MMD: variants seen among roughly 807,000 people sequenced by gnomAD.
MMD encodes monocyte to macrophage differentiation factor.
A neutral mutation model predicts 33.6 loss-of-function variants in MMD; 22 were observed. That is an observed-to-expected ratio of 0.66 (90% CI 0.47 to 0.94). The LOEUF (loss-of-function observed/expected upper bound fraction) is 0.94, where lower values mean the gene tolerates loss of function less well. Among genes scored for constraint, MMD ranks in the 40% least tolerant of loss-of-function variants. The pLI, the probability that MMD is intolerant of heterozygous loss-of-function variation, is 0.00. For synonymous variants in MMD, 97 were observed against 103.2 expected (o/e 0.94, Z 0.36); for missense variants, 242 against 309.8 (o/e 0.78, Z 1.64).
At chr17:55,404,668 A>G (rs1438252840) in intron 4 of MMD, 1 of 984,900 alleles carries the variant, frequency 1.0e-6, no homozygotes, top group Admixed American at 6.2e-5. Flanking sequence ...TATTCCTAAC[A>G]TGTATTATGG....
intron 4 of MMD, chr17:55,404,353 TA>T (rs879282832): frequency 0.16 from 82,765 of 527,284 alleles, no homozygotes; most frequent in Non-Finnish European, 0.18. Flanking sequence ...AGACTCCACC[TA>T]AAAAAAAAAA....
chr17:55,419,205 G>A (rs1402623116), intron 1 of MMD, among the ~76,000 whole-genome samples: 1 of 152,198 alleles, frequency 6.6e-6, no homozygotes, highest in Non-Finnish European at 1.5e-5. Flanking sequence ...TAATATACAA[G>A]TGCCCAGCCA....
intron 1 of MMD, among the ~76,000 whole-genome samples, chr17:55,419,573 T>A (rs1421504696): frequency 2.0e-5 from 3 of 150,182 alleles, no homozygotes; most frequent in African/African-American, 7.3e-5. Flanking sequence ...GAAAGATATA[T>A]CATGAACACA....
chr17:55,411,112 G>T, intron 3 of MMD, 145 bp downstream of exon 3: 1 of 910,140 alleles, frequency 1.1e-6, no homozygotes, highest in Non-Finnish European at 1.6e-6. Context: ...AACAAGTCCT[G>T]AATAATGGGA....
At chr17:55,398,537 T>C (rs1427073436) in intron 6 of MMD, among the ~76,000 whole-genome samples, 2 of 151,362 alleles carry the variant, frequency 1.3e-5, no homozygotes, top group East Asian at 3.8e-4. Context: ...TTATTATATA[T>C]TTATTATTTA....
intron 4 of MMD, chr17:55,404,493 A>C (rs1260008088): frequency 1.0e-5 from 10 of 985,308 alleles, no homozygotes; most frequent in Non-Finnish European, 1.1e-5. Flanking sequence ...CTTGCCCTTT[A>C]ATTTCTGACC....
intron 4 of MMD, among the ~76,000 whole-genome samples, chr17:55,405,142 TG>T (rs1264584318): frequency 6.6e-6 from 1 of 151,652 alleles, no homozygotes; most frequent in African/African-American, 2.4e-5. Flanking sequence ...CTGACATGGG[TG>T]GATCACCTGA....
intron 1 of MMD, 137 bp downstream of exon 1, chr17:55,421,533 G>T: frequency 8.0e-7 from 1 of 1,248,542 alleles, no homozygotes. Context: ...GAATCCCCAG[G>T]GAACTGATCC....
Position 55,414,145 on chromosome 17 carries a change from A to G in MMD, c.108+6T>C. On this transcript the variant is annotated splice_donor_region_variant and intron_variant, in intron 2 of 6. Transcript: ENST00000262065. ...AGGATGGCAATGGTGGAAAACTTGT[A>G]CTCACTGCGTGTGTGTAACAGTTAG... 1 of 1,613,596 alleles carries G rather than the reference A, an allele frequency of 6.2e-7. No individual in the cohort carries two copies. The highest frequency in any genetic ancestry group is 8.5e-7 in the Non-Finnish European group (1 of 1,179,608).
intron 2 of MMD, among the ~76,000 whole-genome samples, 180 bp from the exon 3 acceptor site, chr17:55,411,597 C>G (rs889435978): frequency 6.6e-6 from 1 of 152,056 alleles, no homozygotes; most frequent in Non-Finnish European, 1.5e-5. Flanking sequence ...CACTGGAAAG[C>G]AGGTAATACC....
chr17:55,396,465 A>C (rs1223614650), intron 6 of MMD, among the ~76,000 whole-genome samples: 3 of 152,078 alleles, frequency 2.0e-5, no homozygotes, highest in Non-Finnish European at 4.4e-5. Context: ...TCTGTTTTCT[A>C]TTTGGTTTCA....
chr17:55,401,916 C>T (rs891260897), intron 5 of MMD, among the ~76,000 whole-genome samples: 4 of 151,706 alleles, frequency 2.6e-5, no homozygotes, highest in Non-Finnish European at 5.9e-5. Context: ...ACTAAAAATA[C>T]AAAAAATTAG....
intron 5 of MMD, 49 bp from the exon 6 acceptor site, chr17:55,401,587 C>A: frequency 7.0e-7 from 1 of 1,435,536 alleles, no homozygotes; most frequent in Non-Finnish European, 9.7e-7. Context: ...TTCTATAACA[C>A]CTAACAATTT....
At chr17:55,414,037 A>C in intron 2 of MMD, 114 bp downstream of exon 2, 1 of 959,166 alleles carries the variant, frequency 1.0e-6, no homozygotes, top group Non-Finnish European at 1.7e-6. Flanking sequence ...CTGGTAGATA[A>C]GGTCACAGAT....
At chr17:55,403,708 G>A (rs1907434795) in intron 5 of MMD, 59 bp downstream of exon 5, 2 of 1,203,808 alleles carry the variant, frequency 1.7e-6, no homozygotes, top group South Asian at 1.3e-5. Context: ...GTATTGCAGT[G>A]CAGATAATAT....
In MMD at chr17:55,393,250, G is replaced by C. The variant is rs200978624; in HGVS notation, c.*1084C>G. ...AACAATGCTTTAAATATTTTTTCTAGGAAAAAAAAAAAAAAACACAATATA... is the reference window on the plus strand; with the variant it reads ...AACAATGCTTTAAATATTTTTTCTACGAAAAAAAAAAAAAAACACAATATA... On this transcript the variant is annotated 3_prime_UTR_variant, in exon 7 of 7. Transcript: ENST00000262065. 4.3e-5 allele frequency: 3 copies of C among 70,436 alleles called. No homozygotes were observed. In the Admixed American group the frequency reaches 4.9e-4, roughly 11 times the overall value. The allele number at this position is 70,436 out of a possible 1,614,324, so 4.4% of individuals were successfully genotyped here.
intron 1 of MMD, among the ~76,000 whole-genome samples, chr17:55,418,688 A>T (rs1908064115): frequency 6.6e-6 from 1 of 152,214 alleles, no homozygotes; most frequent in African/African-American, 2.4e-5. Flanking sequence ...TTAATTATTA[A>T]ATAAAGGAAG....
chr17:55,421,635 C>T, intron 1 of MMD, 35 bp downstream of exon 1: 1 of 1,599,296 alleles, frequency 6.3e-7, no homozygotes. Context: ...CCGCTTCTGA[C>T]ACGGGCAGCG....
chr17:55,415,664 G>A (rs1325534204), intron 1 of MMD, among the ~76,000 whole-genome samples: 1 of 152,184 alleles, frequency 6.6e-6, no homozygotes, highest in Non-Finnish European at 1.5e-5. Context: ...TAAAGTGGCA[G>A]CCACTATTAA....
Sources: allele counts gnomAD v4.1 joint callset (sites outside exome capture counted in the v4.1 genomes callset), GRCh38; gene constraint gnomAD v4.1.1; transcripts MANE v1.5; gene names NCBI Gene and HGNC (gene_info 2026-07-23, HGNC 2026-07-21).